The following ACSL3 variants were observed in gnomAD, a reference collection of about 807,000 sequenced individuals.
ACSL3 encodes acyl-CoA synthetase long chain family member 3, also known as fatty acid CoA ligase Acsl3.
A neutral mutation model predicts 84.7 loss-of-function variants in ACSL3; 34 were observed. The observed-to-expected ratio is 0.40, with a 90% CI of 0.31 to 0.53. The LOEUF is 0.53. Among genes scored for constraint, ACSL3 ranks in the 20% least tolerant of loss-of-function variants. The pLI is 0.48. For missense variants in ACSL3, 680 were observed against 873.1 expected (o/e 0.78, Z 2.79); for synonymous variants, 315 against 299.4 (o/e 1.05, Z -0.54).
intron 1 of ACSL3, among the ~76,000 whole-genome samples, chr2:222,863,267 C>A (rs1695057683): frequency 6.6e-6 from 1 of 152,194 alleles, no homozygotes; most frequent in Non-Finnish European, 1.5e-5. Flanking sequence ...AGATGGAAAT[C>A]TAGTCTAGGG....
At chr2:222,915,121 TATA>T (rs1696542841) in intron 4 of ACSL3, among the ~76,000 whole-genome samples, 1 of 152,190 alleles carries the variant, frequency 6.6e-6, no homozygotes, top group African/African-American at 2.4e-5. Context: ...TCTTAATAAT[TATA>T]ATCCAGTTCC....
chr2:222,867,520 C>T (rs2106080866), intron 1 of ACSL3, among the ~76,000 whole-genome samples: 1 of 152,148 alleles, frequency 6.6e-6, no homozygotes, highest in East Asian at 1.9e-4. Context: ...TGCATGTATT[C>T]TTGTTCAGCA....
At chr2:222,877,204 A>C (rs975612378) in intron 1 of ACSL3, among the ~76,000 whole-genome samples, 16 of 152,334 alleles carry the variant, frequency 1.1e-4, no homozygotes, top group Non-Finnish European at 1.9e-4. Context: ...GGATGAGGTC[A>C]AAGGATTGAA....
rs1187358065 is a variant in ACSL3 at position 222,942,400 on chromosome 2, C to T, written c.*746C>T. 1.0e-5 allele frequency: 2 copies of T among 192,728 alleles called. No homozygotes were observed. Among genetic ancestry groups the T allele is most frequent in the East Asian group, 8.3e-5 (1 of 12,114 alleles). 11.9% of individuals were successfully genotyped at this position (192,728 alleles called of 1,614,324 possible). A position where few individuals can be genotyped will look rare whatever the true frequency, so the allele number is the denominator to read the frequency against. On this transcript the variant is annotated 3_prime_UTR_variant, in exon 17 of 17. Transcript: ENST00000357430. The stretch of plus-strand genomic sequence containing the variant: ...CCAGTTGATAATTGGTCTCTAGTAG[C>T]TTACTGTCAAAATGTTCAATGAAGT...
At chr2:222,915,660 G>C (rs1008157573) in intron 4 of ACSL3, among the ~76,000 whole-genome samples, 3 of 152,220 alleles carry the variant, frequency 2.0e-5, no homozygotes, top group African/African-American at 7.2e-5. Context: ...ACGATAAACA[G>C]ATAAAATATT....
intron 16 of ACSL3, 75 bp downstream of exon 16, chr2:222,934,762 G>T: frequency 6.8e-7 from 1 of 1,475,474 alleles, no homozygotes; most frequent in Non-Finnish European, 9.2e-7. Context: ...CCTGTTTTAA[G>T]GTTTAGGGTT....
chr2:222,928,753 C>T (rs1550419), intron 12 of ACSL3, 109 bp from the exon 13 acceptor site: 438,815 of 905,806 alleles, frequency 0.48, 110,646 homozygotes, highest in East Asian at 0.79. Flanking sequence ...TAAGGAATAG[C>T]TGGGGATACC....
intron 3 of ACSL3, among the ~76,000 whole-genome samples, chr2:222,902,247 TATTA>T (rs1443837177): frequency 3.9e-5 from 6 of 152,194 alleles, no homozygotes; most frequent in African/African-American, 1.2e-4. Flanking sequence ...CTATTAGCTA[TATTA>T]ATTACATAAA....
intron 12 of ACSL3, among the ~76,000 whole-genome samples, chr2:222,927,461 CACTG>C (rs1696912786): frequency 2.6e-5 from 4 of 152,134 alleles, no homozygotes; most frequent in South Asian, 2.1e-4. Context: ...TAGTAACAAA[CACTG>C]ACTGTTTTGT....
intron 3 of ACSL3, chr2:222,904,560 G>T (rs1275159464): frequency 6.6e-6 from 1 of 152,560 alleles, no homozygotes; most frequent in Admixed American, 6.5e-5. Context: ...TAAGGCTCTT[G>T]CTACAAAGCA....
chr2:222,894,998 C>G (rs144530977), intron 2 of ACSL3, among the ~76,000 whole-genome samples: 8 of 152,146 alleles, frequency 5.3e-5, no homozygotes, highest in Admixed American at 1.3e-4. Flanking sequence ...TTGCAGTTAA[C>G]TACTCATCCC....
chr2:222,888,901 C>T (rs901563245), intron 2 of ACSL3, among the ~76,000 whole-genome samples: 1 of 152,124 alleles, frequency 6.6e-6, no homozygotes, highest in Non-Finnish European at 1.5e-5. Context: ...ATGTCTGTGC[C>T]TGCGTCTCTT....
rs544212929 is a variant in ACSL3 at position 222,883,868 on chromosome 2, C to T, written c.-206-3962C>T. On this transcript the variant is annotated intron_variant, in intron 1 of 16. Coordinates refer to ENST00000357430, the MANE Select transcript of ACSL3 (RefSeq NM_004457.5). ...CCTCATTTTCTGACACTTGTATTGA[C>T]TCCTTAATTTCAGCTGCTATTAATT... Among the ~76,000 whole-genome samples the T allele has an allele frequency of 1.1e-3, 165 of 152,236 alleles. 1 individual carries two copies. The highest frequency in any genetic ancestry group is 3.7e-3 in the African/African-American group (154 of 41,554).
chr2:222,928,712 C>T (rs1355415858), intron 12 of ACSL3, 150 bp from the exon 13 acceptor site: 1 of 687,154 alleles, frequency 1.5e-6, no homozygotes. Flanking sequence ...GCCTCACGGC[C>T]TGTGCTTCAC....
intron 7 of ACSL3, chr2:222,920,932 G>T: frequency 2.1e-6 from 1 of 479,522 alleles, no homozygotes. Context: ...CCAGTTCCAG[G>T]GTTTCCATGG....
At chr2:222,920,773 A>T (rs1211351598) in intron 7 of ACSL3, among the ~76,000 whole-genome samples, 1 of 152,134 alleles carries the variant, frequency 6.6e-6, no homozygotes, top group African/African-American at 2.4e-5. Flanking sequence ...GTGGTCCCTG[A>T]TAGCCACTTG....
chr2:222,890,396 G>T (rs1397632597), intron 2 of ACSL3, among the ~76,000 whole-genome samples: 3 of 152,098 alleles, frequency 2.0e-5, no homozygotes, highest in Non-Finnish European at 2.9e-5. Flanking sequence ...TCTTATAAAT[G>T]GAATAAGCAT....
At chr2:222,883,065 G>A (rs1158518755) in intron 1 of ACSL3, among the ~76,000 whole-genome samples, 1 of 151,846 alleles carries the variant, frequency 6.6e-6, no homozygotes, top group East Asian at 1.9e-4. Context: ...ACCACACCTG[G>A]CCCAAATCAC....
rs181276168 is a variant in ACSL3, at chr2:222,929,507, C to T, written c.1540+571C>T. 2.5e-4 allele frequency among the ~76,000 whole-genome samples: 38 copies of T among 152,192 alleles called. No homozygotes were observed. In the East Asian group the frequency reaches 5.8e-3, roughly 23 times the overall value. On this transcript the variant is annotated intron_variant, in intron 13 of 16. Transcript: ENST00000357430. ...AGTAAAGATAAAGATTCTGGCCGGG[C>T]GCAGTGGCTCACTCCTGTAATCCCA...
Sources: gnomAD v4.1 joint callset for allele counts (sites outside exome capture counted in the v4.1 genomes callset) on GRCh38, gnomAD v4.1.1 for gene constraint, MANE v1.5 for transcripts, NCBI Gene and HGNC (gene_info 2026-07-23, HGNC 2026-07-21) for gene names.